The following CNBD1 variants were observed in gnomAD, a reference collection of about 807,000 sequenced individuals.
The protein encoded by CNBD1 is cyclic nucleotide-binding domain-containing protein 1.
In CNBD1, 71 loss-of-function variants were observed where a neutral mutation model predicts 54.4. The observed-to-expected ratio is 1.30, with a 90% CI of 1.08 to 1.59. CNBD1 has a LOEUF of 1.59. Ranked by LOEUF, CNBD1 falls within the 40% of genes most tolerant of loss-of-function variation. The probability of loss-of-function intolerance (pLI) is 0.00; values close to 1 mark genes in which losing one functional copy is unlikely to be tolerated. For missense variants in CNBD1, 659 were observed against 518.0 expected, an observed-to-expected ratio of 1.27 and a Z score of -2.64; for synonymous variants, 182 against 170.7, an observed-to-expected ratio of 1.07 and a Z score of -0.51.
chr8:86,996,015 A>T (rs950501647), intron 4 of CNBD1, among the ~76,000 whole-genome samples: 1 of 152,122 alleles, frequency 6.6e-6, no homozygotes, highest in Non-Finnish European at 1.5e-5. Context: ...TTATACCCCC[A>T]GTCTAATTTT....
chr8:87,371,022 A>T (rs1432195604), intron 10 of CNBD1, among the ~76,000 whole-genome samples: 1 of 150,600 alleles, frequency 6.6e-6, no homozygotes, highest in East Asian at 2.0e-4. Context: ...AGGTTTGTCA[A>T]AGATCAGATA....
At chr8:86,872,545 C>T (rs980341413) in intron 1 of CNBD1, among the ~76,000 whole-genome samples, 1 of 152,142 alleles carries the variant, frequency 6.6e-6, no homozygotes, top group African/African-American at 2.4e-5. Context: ...TTTACATTCT[C>T]ACCAACAGTA....
At chr8:87,351,858 CT>C in intron 9 of CNBD1, 64 bp downstream of exon 9, 1 of 1,307,084 alleles carries the variant, frequency 7.7e-7, no homozygotes, top group Non-Finnish European at 9.9e-7. Flanking sequence ...TGTCAGATAC[CT>C]TTTCATGTAC....
At chr8:86,956,431 A>C (rs1807771546) in intron 4 of CNBD1, among the ~76,000 whole-genome samples, 1 of 152,102 alleles carries the variant, frequency 6.6e-6, no homozygotes. Context: ...CAGTATGACC[A>C]TTTTCACGAC....
chr8:86,975,272 C>G (rs1808315346), intron 4 of CNBD1, among the ~76,000 whole-genome samples: 1 of 151,882 alleles, frequency 6.6e-6, no homozygotes, highest in Non-Finnish European at 1.5e-5. Context: ...CTCTTTTTAG[C>G]AATTTAAAAT....
At chr8:87,295,309 G>C (rs1808858681) in intron 8 of CNBD1, among the ~76,000 whole-genome samples, 1 of 151,774 alleles carries the variant, frequency 6.6e-6, no homozygotes, top group African/African-American at 2.4e-5. Flanking sequence ...AACATACTTT[G>C]TAGAAAGTAT....
chr8:86,922,610 G>C (rs1809292738), intron 3 of CNBD1, among the ~76,000 whole-genome samples: 1 of 152,088 alleles, frequency 6.6e-6, no homozygotes, highest in Non-Finnish European at 1.5e-5. Context: ...CATAAGATTT[G>C]CTTGCAGTAA....
intron 8 of CNBD1, among the ~76,000 whole-genome samples, chr8:87,302,276 A>C (rs1809018989): frequency 6.6e-6 from 1 of 152,180 alleles, no homozygotes; most frequent in South Asian, 2.1e-4. Context: ...AGCACATCAA[A>C]AAGCTTATCC....
chr8:87,042,354 C>A (rs1002880278), intron 4 of CNBD1, among the ~76,000 whole-genome samples: 1 of 152,122 alleles, frequency 6.6e-6, no homozygotes, highest in Non-Finnish European at 1.5e-5. Context: ...GTTAAAACCA[C>A]GGTCTTGAAA....
intron 6 of CNBD1, among the ~76,000 whole-genome samples, chr8:87,247,383 C>A (rs1422947396): frequency 1.3e-5 from 2 of 152,142 alleles, no homozygotes; most frequent in Non-Finnish European, 2.9e-5. Context: ...ACGGCCCTGG[C>A]TGTGTCTCTT....
intron 4 of CNBD1, among the ~76,000 whole-genome samples, chr8:87,001,075 G>A (rs895859782): frequency 6.6e-6 from 1 of 151,796 alleles, no homozygotes; most frequent in Non-Finnish European, 1.5e-5. Flanking sequence ...CATTATATTG[G>A]ACAGTCCTTG....
intron 4 of CNBD1, among the ~76,000 whole-genome samples, chr8:86,959,522 A>G (rs183928034): frequency 1.4e-4 from 22 of 152,230 alleles, no homozygotes; most frequent in African/African-American, 4.3e-4. Flanking sequence ...ACATAGTCCC[A>G]TATTTCTTGG....
chr8:87,371,370 T>A lies in CNBD1; in HGVS notation c.1304-11250T>A, dbSNP rs577667281. On this transcript the variant is annotated intron_variant, in intron 10 of 10. Coordinates refer to ENST00000518476, the MANE Select transcript of CNBD1 (RefSeq NM_173538.3). ...TCTTCCTACCCATGAGCATGGAATG[T>A]TCTTCCATTTGTTTGTATCCTCTTT... 1.2e-4 allele frequency among the ~76,000 whole-genome samples: 18 copies of A among 152,174 alleles called. No homozygotes were observed. In the East Asian group the frequency reaches 1.7e-3, roughly 15 times the overall value.
intron 4 of CNBD1, among the ~76,000 whole-genome samples, chr8:87,019,992 G>T (rs1223123946): frequency 6.6e-6 from 1 of 152,124 alleles, no homozygotes; most frequent in East Asian, 1.9e-4. Flanking sequence ...GAAACACATT[G>T]TAAGTCTAAT....
rs1354635073 is a variant in CNBD1 at position 87,014,682 on chromosome 8, C to G, written c.431+74928C>G. Among the ~76,000 whole-genome samples, 3 of 151,670 alleles carry G rather than the reference C, an allele frequency of 2.0e-5. No individual in the cohort carries two copies. The East Asian group carries it at 5.8e-4, about 29-fold the overall frequency. ...TAAGGTTATTATTTGATATAAGTAT[C>G]TGGGTAATTTGTAATTTAAAAATTA... On this transcript the variant is annotated intron_variant, in intron 4 of 10. Coordinates refer to ENST00000518476, the MANE Select transcript of CNBD1 (RefSeq NM_173538.3).
intron 8 of CNBD1, among the ~76,000 whole-genome samples, chr8:87,341,483 G>A (rs1810062907): frequency 6.6e-6 from 1 of 152,320 alleles, no homozygotes; most frequent in East Asian, 1.9e-4. Context: ...CAAGAGGGTA[G>A]TGTAAACTCT....
chr8:87,120,023 G>A (rs1034293702), intron 4 of CNBD1, among the ~76,000 whole-genome samples: 2 of 151,916 alleles, frequency 1.3e-5, no homozygotes, highest in African/African-American at 4.8e-5. Context: ...CAGGAATATT[G>A]GCCCATAGTT....
At chr8:87,301,241 T>C (rs1259432815) in intron 8 of CNBD1, among the ~76,000 whole-genome samples, 1 of 152,054 alleles carries the variant, frequency 6.6e-6, no homozygotes, top group African/African-American at 2.4e-5. Flanking sequence ...CAGGACCAGA[T>C]GGATTCACAG....
intron 4 of CNBD1, among the ~76,000 whole-genome samples, chr8:87,088,255 C>G (rs1586247794): frequency 6.6e-6 from 1 of 152,276 alleles, no homozygotes; most frequent in East Asian, 1.9e-4. Context: ...GGTTAATGCA[C>G]TACTAATGAT....
Sources: gnomAD v4.1 joint callset for allele counts (sites outside exome capture counted in the v4.1 genomes callset) on GRCh38, gnomAD v4.1.1 for gene constraint, MANE v1.5 for transcripts, NCBI Gene and HGNC (gene_info 2026-07-23, HGNC 2026-07-21) for gene names.